The following SEC14L5 variants were observed in gnomAD, a reference collection of about 807,000 sequenced individuals.
The protein encoded by SEC14L5 is SEC14-like protein 5.
SEC14L5 carries 96 observed loss-of-function variants against 84.6 expected under a neutral mutation model. The ratio of observed to expected loss-of-function variants is 1.13; its 90% CI spans 0.96 to 1.34. SEC14L5 has a LOEUF of 1.34. SEC14L5 is among the 40% of genes most tolerant of loss of function. SEC14L5 has a pLI of 0.00. For synonymous variants in SEC14L5, 546 were observed against 383.4 expected (o/e 1.42, Z -4.95); for missense variants, 1,224 against 942.5 (o/e 1.30, Z -3.91).
intron 2 of SEC14L5, among the ~76,000 whole-genome samples, chr16:4,965,444 G>A (rs1019636365): frequency 1.4e-5 from 2 of 146,898 alleles, no homozygotes; most frequent in Non-Finnish European, 3.0e-5. Context: ...GGCGGATCAC[G>A]AGGTCAGGAG....
In SEC14L5 at chr16:4,996,923, A is replaced by G; in HGVS notation, c.849A>G (p.Glu283=). The part of the protein sequence containing the change: ...AHDFHLDKAR[E]MLRQSLSWRK... ...ACTTCCACCTGGACAAGGCCCGGGA[A>G]ATGCTGCGCCAGTCCTTGAGCTGGC... is the stretch of plus-strand genomic sequence containing the variant. Residue 283 remains glutamate (E), a synonymous_variant, in exon 8 of 16, where the codon GAA becomes GAG. Transcript: ENST00000251170. The G allele has an allele frequency of 6.2e-7, 1 of 1,613,686 alleles. No individual in the cohort carries two copies. The highest frequency in any genetic ancestry group is 8.5e-7 in the Non-Finnish European group (1 of 1,179,778).
At chr16:5,012,440 T>G (rs1448766521) in intron 15 of SEC14L5, among the ~76,000 whole-genome samples, 3 of 152,162 alleles carry the variant, frequency 2.0e-5, no homozygotes, top group Non-Finnish European at 4.4e-5. Flanking sequence ...CAAAGGCTGT[T>G]TCCTGGTCGC....
chr16:4,985,714 A>C (rs1955478433), intron 2 of SEC14L5, among the ~76,000 whole-genome samples: 1 of 151,676 alleles, frequency 6.6e-6, no homozygotes, highest in African/African-American at 2.4e-5. Flanking sequence ...TGCCAGTATC[A>C]CACTGTTTTG....
intron 2 of SEC14L5, among the ~76,000 whole-genome samples, chr16:4,959,875 C>G (rs915511611): frequency 1.3e-5 from 2 of 151,682 alleles, no homozygotes; most frequent in African/African-American, 4.9e-5. Context: ...AGTTCTGTAT[C>G]TACGCAGAGG....
At chr16:4,965,439 A>G (rs933682140) in intron 2 of SEC14L5, among the ~76,000 whole-genome samples, 1 of 151,958 alleles carries the variant, frequency 6.6e-6, no homozygotes, top group Admixed American at 6.6e-5. Context: ...AGGCGGGCGG[A>G]TCACGAGGTC....
rs191258762 is a variant in SEC14L5 at position 4,998,596 on chromosome 16, G to A, written c.970+1552G>A. The stretch of plus-strand genomic sequence containing the variant: ...TACTAAAAATACAAAAAATTAGCCG[G>A]GCGTAGTGGCGGGCGCCTGTAGTCC... On this transcript the variant is annotated intron_variant, in intron 8 of 15. Coordinates refer to ENST00000251170, the MANE Select transcript of SEC14L5 (RefSeq NM_014692.2). Among the ~76,000 whole-genome samples, 958 of 150,104 alleles carry A rather than the reference G, an allele frequency of 6.4e-3. 11 individuals are homozygous for A. The highest frequency in any genetic ancestry group is 0.022 in the African/African-American group (914 of 40,924).
In SEC14L5 at chr16:5,006,157, G is replaced by A. The variant is rs533502877; in HGVS notation, c.1437+109G>A. ...TGGGAGGTGGAGGGGGGCTGGGTGC[G>A]GCATGTGCACTCTGCCTAGGGCAGG... On this transcript the variant is annotated intron_variant, in intron 12 of 15. Transcript: ENST00000251170. The A allele has an allele frequency of 1.4e-4, 154 of 1,116,512 alleles. 2 individuals carry two copies. In the South Asian group the frequency reaches 2.0e-3, roughly 15 times the overall value. 69.2% of individuals were successfully genotyped at this position (1,116,512 alleles called of 1,614,324 possible).
chr16:5,008,030 C>A (rs1955753969), intron 13 of SEC14L5, among the ~76,000 whole-genome samples: 1 of 151,722 alleles, frequency 6.6e-6, no homozygotes, highest in East Asian at 1.9e-4. Flanking sequence ...GCCTCAGCCT[C>A]CCGAGTAGCT....
At chr16:4,985,744 T>A (rs1034894806) in intron 2 of SEC14L5, among the ~76,000 whole-genome samples, 12 of 151,082 alleles carry the variant, frequency 7.9e-5, no homozygotes, top group Non-Finnish European at 1.8e-4. Context: ...GCCTGATATA[T>A]CTATATATTT....
At chr16:5,006,638 C>G (rs74718135) in intron 12 of SEC14L5, among the ~76,000 whole-genome samples, 1,529 of 152,288 alleles carry the variant, frequency 0.01, 29 homozygotes, top group African/African-American at 0.035. Flanking sequence ...AACAGAAATA[C>G]CAGACAGTGA....
intron 2 of SEC14L5, among the ~76,000 whole-genome samples, chr16:4,962,686 CAAAAAAAAA>C (rs761644374): frequency 1.2e-5 from 1 of 81,288 alleles, no homozygotes; most frequent in African/African-American, 4.2e-5. Flanking sequence ...AACTCTGTCT[CAAAAAAAAA>C]AAAAAAAAAA....
intron 15 of SEC14L5, among the ~76,000 whole-genome samples, chr16:5,012,400 TC>T (rs1180426693): frequency 1.3e-5 from 2 of 152,124 alleles, no homozygotes; most frequent in Non-Finnish European, 2.9e-5. Context: ...TACTGCCCTG[TC>T]CTCTTGTAGC....
At chr16:5,011,799 T>C (rs1449478457) in intron 15 of SEC14L5, among the ~76,000 whole-genome samples, 2 of 152,112 alleles carry the variant, frequency 1.3e-5, no homozygotes, top group Non-Finnish European at 2.9e-5. Context: ...AGCCCCAGTC[T>C]TGTGGGTTTG....
intron 4 of SEC14L5, among the ~76,000 whole-genome samples, chr16:4,988,766 A>G (rs1356429631): frequency 2.0e-5 from 3 of 152,254 alleles, no homozygotes; most frequent in Non-Finnish European, 4.4e-5. Flanking sequence ...TATAATTAAT[A>G]ATAATCATAA....
rs554756674 is a variant in SEC14L5 at position 4,987,724 on chromosome 16, T to TG, written c.213+24dup. Reference sequence around the variant, plus strand: ...TGCGGAAGGTGGGCGGCCCTGGGGCTGGGGGGCGGAGGAGGGGACCTGTTG... The same window carrying TG: ...TGCGGAAGGTGGGCGGCCCTGGGGCTGGGGGGGCGGAGGAGGGGACCTGTTG... On this transcript the variant is annotated intron_variant, in intron 3 of 15. Coordinates refer to ENST00000251170, the MANE Select transcript of SEC14L5 (RefSeq NM_014692.2). 4.2e-6 allele frequency: 6 copies of TG among 1,412,522 alleles called. No individual in the cohort carries two copies. Among genetic ancestry groups the TG allele is most frequent in the African/African-American group, 1.6e-5 (1 of 62,144 alleles). The allele number at this position is 1,412,522 out of a possible 1,614,324, so 87.5% of individuals were successfully genotyped here. A position where few individuals can be genotyped will look rare whatever the true frequency, so the allele number is the denominator to read the frequency against.
chr16:4,974,649 A>G (rs1462099618), intron 2 of SEC14L5, among the ~76,000 whole-genome samples: 1 of 151,896 alleles, frequency 6.6e-6, no homozygotes, highest in Non-Finnish European at 1.5e-5. Flanking sequence ...GATTTCTGAA[A>G]TTTTAGTGCA....
intron 10 of SEC14L5, 125 bp downstream of exon 10, chr16:5,001,050 C>T: frequency 1.3e-6 from 1 of 748,288 alleles, no homozygotes; most frequent in Admixed American, 2.3e-5. Context: ...CCAGTTTCTA[C>T]AGTGGTCTTC....
intron 2 of SEC14L5, among the ~76,000 whole-genome samples, chr16:4,963,598 G>C (rs1277741092): frequency 6.6e-6 from 1 of 152,174 alleles, no homozygotes; most frequent in African/African-American, 2.4e-5. Flanking sequence ...CGCCCGCCTT[G>C]GCCTCCCAAA....
In SEC14L5 at chr16:4,990,771, A is replaced by G. The variant is rs779452782; in HGVS notation, c.350A>G (p.His117Arg). The G allele has an allele frequency of 2.5e-6, 4 of 1,607,448 alleles. No homozygotes were observed. The highest frequency in any genetic ancestry group is 3.4e-6 in the Non-Finnish European group (4 of 1,176,752). ...VVNEHCSYTV[H>R]PENEDWTCFE... ...TGACCCCTGCCTGGCTTTCAGGTCC[A>G]CCCTGAGAATGAAGACTGGACTTGC... The change falls in exon 5 of 16, where the codon CAC becomes CGC. Residue 117 changes from histidine to arginine, a missense_variant. Transcript: ENST00000251170.
Sources: gnomAD v4.1 joint callset for allele counts (sites outside exome capture counted in the v4.1 genomes callset) on GRCh38, gnomAD v4.1.1 for gene constraint, MANE v1.5 for transcripts, NCBI Gene and HGNC (gene_info 2026-07-23, HGNC 2026-07-21) for gene names.